The following ROBO2 variants were observed in gnomAD, a reference collection of about 807,000 sequenced individuals.
The protein encoded by ROBO2 is roundabout homolog 2.
In ROBO2, 53 loss-of-function variants were observed where a neutral mutation model predicts 160.8. The observed-to-expected ratio is 0.33, with a 90% CI of 0.26 to 0.41. The LOEUF (loss-of-function observed/expected upper bound fraction) is 0.41. Ranked by LOEUF, ROBO2 falls within the 10% of genes least tolerant of loss-of-function variation. The pLI, the probability that ROBO2 is intolerant of heterozygous loss-of-function variation, is 1.00. For synonymous variants in ROBO2, 664 were observed against 611.7 expected (o/e 1.09, Z -1.26); for missense variants, 1,577 against 1,722.4 (o/e 0.92, Z 1.49).
intron 2 of ROBO2, among the ~76,000 whole-genome samples, chr3:76,436,007 G>A (rs1269669822): frequency 1.3e-5 from 2 of 152,106 alleles, no homozygotes; most frequent in East Asian, 3.9e-4. Context: ...TTCTATCCTG[G>A]TTCTGCCTCA....
chr3:77,425,037 T>A (rs2078049977), intron 2 of ROBO2, among the ~76,000 whole-genome samples: 1 of 152,158 alleles, frequency 6.6e-6, no homozygotes, highest in Admixed American at 6.6e-5. Flanking sequence ...GACGTAGTAT[T>A]TGAGTGAGAT....
At chr3:77,645,911 G>A (rs2153725522) in intron 25 of ROBO2, 143 bp from the exon 28 acceptor site, 1 of 544,808 alleles carries the variant, frequency 1.8e-6, no homozygotes, top group East Asian at 3.1e-5. Flanking sequence ...TCTCCTTCAA[G>A]TAAAATTACT....
At chr3:77,543,184 G>T (rs1222374054) in intron 6 of ROBO2, among the ~76,000 whole-genome samples, 1 of 151,584 alleles carries the variant, frequency 6.6e-6, no homozygotes, top group Non-Finnish European at 1.5e-5. Context: ...TGGCCTGATT[G>T]GTTCTGTTCC....
intron 6 of ROBO2, among the ~76,000 whole-genome samples, chr3:77,531,823 G>T (rs550603878): frequency 6.6e-6 from 1 of 152,094 alleles, no homozygotes; most frequent in African/African-American, 2.4e-5. Context: ...TTTGTTTCTT[G>T]CATCCCTTTT....
intron 2 of ROBO2, among the ~76,000 whole-genome samples, chr3:76,336,216 T>C (rs1235440472): frequency 7.3e-6 from 1 of 136,952 alleles, no homozygotes; most frequent in African/African-American, 2.5e-5. Context: ...GATCACTGTA[T>C]GTACGTAGCA....
At chr3:76,153,917 A>G (rs555037527) in intron 2 of ROBO2, among the ~76,000 whole-genome samples, 204 of 152,230 alleles carry the variant, frequency 1.3e-3, no homozygotes, top group African/African-American at 4.8e-3. Flanking sequence ...GTGCCTCCAC[A>G]AGAGCATATG....
chr3:76,109,755 G>C (rs1277782301), intron 2 of ROBO2, among the ~76,000 whole-genome samples: 6 of 151,730 alleles, frequency 4.0e-5, no homozygotes, highest in Non-Finnish European at 7.4e-5. Context: ...AGCTTTTATT[G>C]TACCAGCCAC....
At chr3:77,516,870 A>G (rs1199289663) in intron 5 of ROBO2, among the ~76,000 whole-genome samples, 2 of 151,632 alleles carry the variant, frequency 1.3e-5, no homozygotes, top group African/African-American at 4.8e-5. Context: ...TGCACTGGTA[A>G]CCATGCTATA....
At chr3:77,008,716 A>C (rs2061713072) in intron 2 of ROBO2, among the ~76,000 whole-genome samples, 2 of 152,190 alleles carry the variant, frequency 1.3e-5, no homozygotes, top group Non-Finnish European at 2.9e-5. Context: ...ATTGGAAAAC[A>C]TCTGTCAAGA....
intron 2 of ROBO2, among the ~76,000 whole-genome samples, chr3:76,543,064 T>C (rs992646366): frequency 1.3e-5 from 2 of 152,196 alleles, no homozygotes; most frequent in Non-Finnish European, 2.9e-5. Context: ...GATTAACTTC[T>C]TACTTCATGT....
intron 2 of ROBO2, among the ~76,000 whole-genome samples, chr3:76,085,639 G>A (rs773661916): frequency 7.9e-5 from 12 of 152,096 alleles, no homozygotes; most frequent in Non-Finnish European, 1.6e-4. Flanking sequence ...GCAAACTGTT[G>A]CCCCTGAAAT....
chr3:77,617,376 C>A, intron 21 of ROBO2, 137 bp from the exon 23 acceptor site: 1 of 940,590 alleles, frequency 1.1e-6, no homozygotes, highest in Non-Finnish European at 1.7e-6. Flanking sequence ...TGTGGTGACA[C>A]CAACAGCTTC....
At chr3:75,979,734 T>A (rs2065227100) in intron 2 of ROBO2, among the ~76,000 whole-genome samples, 1 of 151,610 alleles carries the variant, frequency 6.6e-6, no homozygotes. Flanking sequence ...ATGATGACCA[T>A]TAAAACACAA....
At chr3:77,427,725 C>T (rs184680531) in intron 2 of ROBO2, among the ~76,000 whole-genome samples, 35 of 152,272 alleles carry the variant, frequency 2.3e-4, no homozygotes, top group Admixed American at 5.2e-4. Flanking sequence ...GCACCTGCTA[C>T]GTTGCTGACT....
intron 2 of ROBO2, among the ~76,000 whole-genome samples, chr3:77,475,532 G>A (rs2083897890): frequency 6.6e-6 from 1 of 152,140 alleles, no homozygotes; most frequent in Non-Finnish European, 1.5e-5. Flanking sequence ...CCATTTTTTA[G>A]GAGAGCAGAT....
At chr3:77,565,918 T>TA (rs2093466281) in intron 12 of ROBO2, among the ~76,000 whole-genome samples, 1 of 152,108 alleles carries the variant, frequency 6.6e-6, no homozygotes, top group Non-Finnish European at 1.5e-5. Context: ...AATGCTACAT[T>TA]ATAGTTTCCC....
At chr3:77,588,958 A>T in intron 17 of ROBO2, 25 bp downstream of exon 18, 1 of 1,610,642 alleles carries the variant, frequency 6.2e-7, no homozygotes, top group East Asian at 2.2e-5. Flanking sequence ...CCAGCTAAGA[A>T]AATCTCTTGT....
chr3:77,535,748 G>A (rs911951078), intron 6 of ROBO2, among the ~76,000 whole-genome samples: 1 of 152,128 alleles, frequency 6.6e-6, no homozygotes, highest in African/African-American at 2.4e-5. Flanking sequence ...GAATTTAAAA[G>A]TTCAGAACTT....
intron 2 of ROBO2, among the ~76,000 whole-genome samples, chr3:77,361,234 A>G (rs944543405): frequency 1.3e-5 from 2 of 152,204 alleles, no homozygotes; most frequent in African/African-American, 4.8e-5. Context: ...TTTGAATTTC[A>G]GATAAGAGCA....
Sources: allele counts gnomAD v4.1 joint callset (sites outside exome capture counted in the v4.1 genomes callset), GRCh38; gene constraint gnomAD v4.1.1; transcripts MANE v1.5; gene names NCBI Gene and HGNC (gene_info 2026-07-23, HGNC 2026-07-21).